Variants in KDM4C observed in about 807,000 individuals in gnomAD.
The protein encoded by KDM4C is lysine-specific demethylase 4C.
A neutral mutation model predicts 129.3 loss-of-function variants in KDM4C; 81 were observed. The observed-to-expected ratio is 0.63, with a 90% CI of 0.52 to 0.75. The LOEUF (loss-of-function observed/expected upper bound fraction) is 0.75. Ranked by LOEUF, KDM4C falls within the 30% of genes least tolerant of loss-of-function variation. The probability of loss-of-function intolerance (pLI) is 0.00; values close to 1 mark genes in which losing one functional copy is unlikely to be tolerated. For synonymous variants in KDM4C, 573 were observed against 456.1 expected, an observed-to-expected ratio of 1.26 and a Z score of -3.26; for missense variants, 1,457 against 1,304.0, an observed-to-expected ratio of 1.12 and a Z score of -1.81.
At chr9:6,942,281 A>T (rs1346298085) in intron 8 of KDM4C, among the ~76,000 whole-genome samples, 1 of 48,530 alleles carries the variant, frequency 2.1e-5, no homozygotes, top group African/African-American at 6.8e-5. Flanking sequence ...CTAGCCCTCA[A>T]AGTGTGTGTG....
chr9:6,831,105 T>G (rs1234896445), intron 4 of KDM4C, among the ~76,000 whole-genome samples: 2 of 152,234 alleles, frequency 1.3e-5, no homozygotes, highest in Non-Finnish European at 2.9e-5. Context: ...CTGTTATTTT[T>G]TTTCTTATTT....
In KDM4C at chr9:6,849,664, G is replaced by A. The variant is rs1838473281; in HGVS notation, c.593G>A (p.Ser198Asn). Residue 198 changes from serine (S) to asparagine (N), a missense_variant, in exon 5 of 22, where the codon AGC (serine) becomes AAC (asparagine). Transcript: ENST00000381309. ...AWHTEDMDLY[S>N]INYLHFGEPK... ...CACACCGAAGACATGGACCTCTATA[G>A]CATTAATTATCTCCACTTTGGAGAG... 1 of 1,605,576 alleles carries A rather than the reference G, an allele frequency of 6.2e-7. No homozygotes were observed.
chr9:7,033,042 C>T (rs903361887), intron 15 of KDM4C, among the ~76,000 whole-genome samples: 10 of 151,986 alleles, frequency 6.6e-5, no homozygotes, highest in Middle Eastern at 3.2e-3. Context: ...AGCTCTGAAG[C>T]GGCTTTGTAG....
At chr9:7,162,378 A>G (rs557901906) in intron 19 of KDM4C, among the ~76,000 whole-genome samples, 5 of 152,342 alleles carry the variant, frequency 3.3e-5, no homozygotes, top group African/African-American at 1.2e-4. Context: ...CTGAGCAGTA[A>G]GTGGTTAGTT....
chr9:7,138,491 A>G (rs1337339489), intron 19 of KDM4C, among the ~76,000 whole-genome samples: 2 of 152,196 alleles, frequency 1.3e-5, no homozygotes, highest in African/African-American at 4.8e-5. Context: ...TCCACGAGTA[A>G]TTAAAGCTGG....
At chr9:7,083,189 C>A (rs967424640) in intron 17 of KDM4C, among the ~76,000 whole-genome samples, 1 of 152,130 alleles carries the variant, frequency 6.6e-6, no homozygotes, top group Non-Finnish European at 1.5e-5. Context: ...ATTCTTGTTA[C>A]CAGAAGTGTT....
At chr9:6,845,356 A>C (rs1231669174) in intron 4 of KDM4C, among the ~76,000 whole-genome samples, 1 of 152,154 alleles carries the variant, frequency 6.6e-6, no homozygotes, top group Non-Finnish European at 1.5e-5. Flanking sequence ...CAGGGATTAC[A>C]GGCGTGAGGC....
chr9:6,733,467 TGA>T (rs1318000516), intron 1 of KDM4C, among the ~76,000 whole-genome samples: 1 of 152,208 alleles, frequency 6.6e-6, no homozygotes, highest in African/African-American at 2.4e-5. Context: ...CACCCAGTAC[TGA>T]GAGATCAGAC....
intron 12 of KDM4C, among the ~76,000 whole-genome samples, chr9:6,993,615 G>A (rs1395154922): frequency 6.6e-6 from 1 of 152,180 alleles, no homozygotes; most frequent in African/African-American, 2.4e-5. Flanking sequence ...AGGAGGATGT[G>A]TATGAAGTGC....
In KDM4C at chr9:6,981,071, A is replaced by T; in HGVS notation, c.1068A>T (p.Val356=). 6.2e-7 allele frequency: 1 copy of T among 1,613,382 alleles called. No homozygotes were observed. Reference sequence around the variant, plus strand: ...CTACTCCAGCATCCACCCCTGAAGTAAAAGCATGGCTGCAGAGGAGGAGGA... The same window carrying T: ...CTACTCCAGCATCCACCCCTGAAGTTAAAGCATGGCTGCAGAGGAGGAGGA... The part of the protein sequence containing the change: ...TKPTPASTPE[V]KAWLQRRRKV... The change falls in exon 9 of 22, where the codon GTA becomes GTT. Residue 356 remains valine, a synonymous_variant. Coordinates refer to ENST00000381309, the MANE Select transcript of KDM4C (RefSeq NM_015061.6).
chr9:6,955,461 C>T (rs1589296014), intron 8 of KDM4C, among the ~76,000 whole-genome samples: 2 of 152,098 alleles, frequency 1.3e-5, no homozygotes, highest in African/African-American at 4.8e-5. Flanking sequence ...GTATAGAGGC[C>T]CCTTTTCCAA....
chr9:6,827,904 C>CCAAAAGTTATCATCCAGACAGGGG lies in KDM4C; in HGVS notation c.435+13160_435+13183dup, dbSNP rs1261413980. ...GTGAAGCAGGTCAGCTTGCATGACC[C>CCAAAAGTTATCATCCAGACAGGGG]CAAAAGTTATCATCCAGACAGGGGA... is the stretch of plus-strand genomic sequence containing the variant. On this transcript the variant is annotated intron_variant, in intron 4 of 21. Coordinates refer to ENST00000381309, the MANE Select transcript of KDM4C (RefSeq NM_015061.6). Among the ~76,000 whole-genome samples the CCAAAAGTTATCATCCAGACAGGGG allele has an allele frequency of 7.2e-5, 11 of 152,228 alleles. No homozygotes were observed. In the South Asian group the frequency reaches 2.1e-3, roughly 29 times the overall value.
At chr9:6,980,797 A>G (rs1006290252) in intron 8 of KDM4C, 128 bp from the exon 9 acceptor site, 1 of 725,068 alleles carries the variant, frequency 1.4e-6, no homozygotes, top group Non-Finnish European at 2.3e-6. Flanking sequence ...TGAATGTTTG[A>G]TAATGTAATG....
chr9:6,887,016 C>CA (rs780306336), intron 6 of KDM4C, among the ~76,000 whole-genome samples: 133 of 152,316 alleles, frequency 8.7e-4, no homozygotes, highest in Non-Finnish European at 1.7e-3. Context: ...GTGGAGGAGT[C>CA]AGACAGCATC....
upstream of KDM4C, among the ~76,000 whole-genome samples, chr9:6,755,199 G>A (rs1444497936): frequency 2.0e-5 from 3 of 152,266 alleles, no homozygotes; most frequent in African/African-American, 7.2e-5. Context: ...GTGAAACCCC[G>A]TCTCCACTTA....
chr9:6,814,707 A>G lies in KDM4C; in HGVS notation c.397A>G (p.Ile133Val), dbSNP rs372878276. ...GAAGAACTTAACTTTTGTGGCACCTATCTATGGTGCAGATATTAATGGGAG... is the reference window on the plus strand; with the variant it reads ...GAAGAACTTAACTTTTGTGGCACCTGTCTATGGTGCAGATATTAATGGGAG... ...YWKNLTFVAP[I>V]YGADINGSIY... The change falls in exon 4 of 22, where the codon ATC becomes GTC. Residue 133 changes from isoleucine (I) to valine (V), a missense_variant. Ile to Val is a conservative substitution (Grantham distance 29, BLOSUM62 3). Transcript: ENST00000381309. The G allele has an allele frequency of 1.2e-4, 200 of 1,610,144 alleles. No homozygotes were observed. The highest frequency in any genetic ancestry group is 1.6e-4 in the Non-Finnish European group (184 of 1,177,298).
At chr9:6,985,115 A>G (rs902044377) in intron 10 of KDM4C, among the ~76,000 whole-genome samples, 1 of 152,156 alleles carries the variant, frequency 6.6e-6, no homozygotes, top group Non-Finnish European at 1.5e-5. Context: ...TCATGGCACC[A>G]TAGCTGTTGC....
At chr9:7,155,087 TC>T (rs1843031015) in intron 19 of KDM4C, among the ~76,000 whole-genome samples, 1 of 152,202 alleles carries the variant, frequency 6.6e-6, no homozygotes, top group Non-Finnish European at 1.5e-5. Flanking sequence ...GACCTTAGAT[TC>T]TAGATTGCTT....
chr9:7,070,746 A>T (rs1177454546), intron 17 of KDM4C, among the ~76,000 whole-genome samples: 1 of 152,194 alleles, frequency 6.6e-6, no homozygotes, highest in Non-Finnish European at 1.5e-5. Flanking sequence ...CCTACTGCGA[A>T]CATTAGACAT....
Sources: gnomAD v4.1 joint callset for allele counts (sites outside exome capture counted in the v4.1 genomes callset) on GRCh38, gnomAD v4.1.1 for gene constraint, MANE v1.5 for transcripts, NCBI Gene and HGNC (gene_info 2026-07-23, HGNC 2026-07-21) for gene names.